The following KIF26B variants were observed in gnomAD, a reference collection of about 807,000 sequenced individuals.
KIF26B encodes kinesin family member 26B.
KIF26B carries 63 observed loss-of-function variants against 151.2 expected under a neutral mutation model. That is an observed-to-expected ratio of 0.42 (90% CI 0.34 to 0.51). The LOEUF (loss-of-function observed/expected upper bound fraction) is 0.51, where lower values mean the gene tolerates loss of function less well. KIF26B is among the 20% of genes least tolerant of loss of function. The pLI, the probability that KIF26B is intolerant of heterozygous loss-of-function variation, is 0.07. For missense variants in KIF26B, 2,813 were observed against 2,913.6 expected (o/e 0.97, Z 0.79); for synonymous variants, 1,357 against 1,262.1 (o/e 1.08, Z -1.59).
At chr1:245,260,215 G>T (rs1045578388) in intron 2 of KIF26B, among the ~76,000 whole-genome samples, 4 of 152,124 alleles carry the variant, frequency 2.6e-5, no homozygotes, top group Admixed American at 2.6e-4. Flanking sequence ...CATAGGCTTC[G>T]GTAGAAGCGT....
intron 4 of KIF26B, among the ~76,000 whole-genome samples, chr1:245,465,879 C>G (rs1469224536): frequency 2.0e-5 from 3 of 152,150 alleles, no homozygotes; most frequent in African/African-American, 7.2e-5. Flanking sequence ...TGTCCTCTCC[C>G]ATCTCCTTCT....
At chr1:245,696,684 C>T (rs912081927) in intron 12 of KIF26B, among the ~76,000 whole-genome samples, 2 of 152,288 alleles carry the variant, frequency 1.3e-5, no homozygotes, top group South Asian at 2.1e-4. Flanking sequence ...AGGTGTCTCA[C>T]GCTAAGGAGA....
rs1444057161 is a variant in KIF26B at position 245,516,943 on chromosome 1, GGCTGCT to G, written c.1167-23820_1167-23815del. 3.3e-5 allele frequency among the ~76,000 whole-genome samples: 5 copies of G among 152,230 alleles called. No individual in the cohort carries two copies. The highest frequency in any genetic ancestry group is 7.3e-5 in the Non-Finnish European group (5 of 68,042). On this transcript the variant is annotated intron_variant, in intron 4 of 14. Transcript: ENST00000407071. This position sits in a 1 kb window ranked among gnomAD's most constrained non-coding sequence, Gnocchi z 4.2. ...CCCTGGCTGCTCCCCACAGCTCCAC[GGCTGCT>G]GCTTTCACCCCCACCTGACCATGGT...
chr1:245,683,524 C>T (rs758157722), intron 10 of KIF26B, among the ~76,000 whole-genome samples: 47 of 152,174 alleles, frequency 3.1e-4, no homozygotes, highest in Non-Finnish European at 7.3e-5. Context: ...GCCTCATTAT[C>T]ACCACTCAGG....
chr1:245,348,015 T>C (rs1415552447), intron 2 of KIF26B, among the ~76,000 whole-genome samples: 1 of 152,220 alleles, frequency 6.6e-6, no homozygotes, highest in Non-Finnish European at 1.5e-5. Flanking sequence ...CCATAAGTGG[T>C]ATAAAATGGT....
At chr1:245,365,165 C>T (rs1672916074) in intron 2 of KIF26B, among the ~76,000 whole-genome samples, 1 of 152,230 alleles carries the variant, frequency 6.6e-6, no homozygotes, top group Non-Finnish European at 1.5e-5. Context: ...GCTACACGCT[C>T]TGAGTTGTGA....
At position 245,609,358 on chromosome 1, in the gene KIF26B, G is replaced by A. The variant is rs770595821; in HGVS notation, c.1744G>A (p.Glu582Lys). 6.8e-6 allele frequency: 11 copies of A among 1,610,450 alleles called. No individual in the cohort carries two copies. The highest frequency in any genetic ancestry group is 4.0e-5 in the African/African-American group (3 of 74,856). ...AISWLFKLIN[E>K]RKEKTGARFS... The stretch of plus-strand genomic sequence containing the variant: ...CTCTTGGCTCTTCAAGCTCATAAAC[G>A]AACGCAAGGAAAAGACCGGCGCCCG... The change falls in exon 8 of 15, where the codon GAA becomes AAA. Residue 582 changes from glutamate to lysine, a missense_variant. Glu to Lys is a moderately conservative substitution (Grantham distance 56, BLOSUM62 1). Around this residue, in one of 3 missense-constraint regions of KIF26B, gnomAD observed 77 missense variants for 136.9 expected, o/e 0.56. Coordinates refer to ENST00000407071, the MANE Select transcript of KIF26B (RefSeq NM_018012.4).
At chr1:245,394,684 C>A (rs796133637) in intron 3 of KIF26B, among the ~76,000 whole-genome samples, 1 of 124,420 alleles carries the variant, frequency 8.0e-6, no homozygotes, top group Non-Finnish European at 1.5e-5. Context: ...AAGTTTTTTT[C>A]TTTCTTTTTT....
In KIF26B at chr1:245,390,950, AAAC is replaced by A. The variant is rs1310076000; in HGVS notation, c.999+23584_999+23586del. Among the ~76,000 whole-genome samples the A allele has an allele frequency of 9.0e-3, 638 of 71,248 alleles. 89 individuals carry two copies. The highest frequency in any genetic ancestry group is 0.016 in the South Asian group (22 of 1,384). The allele number at this position is 71,248 out of a possible 152,430, so 46.7% of individuals were successfully genotyped here. A position where few individuals can be genotyped will look rare whatever the true frequency, so the allele number is the denominator to read the frequency against. Reference sequence around the variant, plus strand: ...AAAAAAAAAAAAAAAAAAAAAAAAAAAACCACCATAAAATTTTGAGCTTTCAAT... The same window carrying A: ...AAAAAAAAAAAAAAAAAAAAAAAAAACACCATAAAATTTTGAGCTTTCAAT... On this transcript the variant is annotated intron_variant, in intron 3 of 14. Transcript: ENST00000407071.
intron 2 of KIF26B, chr1:245,206,297 C>T (rs2103540796): frequency 6.6e-6 from 1 of 152,378 alleles, no homozygotes; most frequent in South Asian, 2.1e-4. Context: ...TCAGCTGTCA[C>T]TGCACCTGCA....
intron 5 of KIF26B, among the ~76,000 whole-genome samples, chr1:245,587,184 C>T (rs1236082571): frequency 2.0e-5 from 3 of 152,200 alleles, no homozygotes; most frequent in African/African-American, 4.8e-5. Flanking sequence ...GAGTCCTCTT[C>T]TGAACCTCAT....
At chr1:245,345,264 C>T (rs756967012) in intron 2 of KIF26B, among the ~76,000 whole-genome samples, 2 of 152,108 alleles carry the variant, frequency 1.3e-5, no homozygotes, top group African/African-American at 2.4e-5. Context: ...GAAGGTGGCG[C>T]CCCAGAGGCC....
chr1:245,277,149 T>C (rs1670954607), intron 2 of KIF26B, among the ~76,000 whole-genome samples: 1 of 152,198 alleles, frequency 6.6e-6, no homozygotes, highest in South Asian at 2.1e-4. Context: ...GGAACTCACT[T>C]TGCTGACACC....
At chr1:245,447,289 G>A (rs1282397523) in intron 4 of KIF26B, among the ~76,000 whole-genome samples, 1 of 152,158 alleles carries the variant, frequency 6.6e-6, no homozygotes, top group Non-Finnish European at 1.5e-5. Flanking sequence ...TAGTCTTAAT[G>A]TTCTAATTCA....
chr1:245,694,109 G>C (rs2044658761), intron 12 of KIF26B, among the ~76,000 whole-genome samples: 1 of 152,234 alleles, frequency 6.6e-6, no homozygotes, highest in Admixed American at 6.5e-5. Context: ...AGGAAGCCCA[G>C]GCTCGGCATC....
chr1:245,263,814 T>G (rs548891611), intron 2 of KIF26B, among the ~76,000 whole-genome samples: 31 of 152,316 alleles, frequency 2.0e-4, no homozygotes, highest in African/African-American at 7.5e-4. Flanking sequence ...GAAACACAGT[T>G]AGTTAACAGA....
chr1:245,255,211 TC>T (rs1447399551), intron 2 of KIF26B, among the ~76,000 whole-genome samples: 1 of 152,216 alleles, frequency 6.6e-6, no homozygotes, highest in African/African-American at 2.4e-5. Flanking sequence ...ATCCTGGACT[TC>T]CTAGTTTCCA....
chr1:245,186,325 G>T (rs1291529720), intron 2 of KIF26B, among the ~76,000 whole-genome samples: 1 of 152,158 alleles, frequency 6.6e-6, no homozygotes, highest in Non-Finnish European at 1.5e-5. Context: ...AGCCACTTTC[G>T]CAAAGAATGG....
intron 3 of KIF26B, among the ~76,000 whole-genome samples, chr1:245,403,556 G>A (rs72761163): frequency 0.058 from 8,833 of 152,134 alleles, 323 homozygotes; most frequent in Middle Eastern, 0.092. Context: ...GTGTGTGCGC[G>A]CGCATGTGTG....
Sources: gnomAD v4.1 joint callset for allele counts (sites outside exome capture counted in the v4.1 genomes callset) on GRCh38, gnomAD v4.1.1 for gene constraint, gnomAD v4.1.1 regional missense constraint, Gnocchi (gnomAD v3.1) non-coding constraint, MANE v1.5 for transcripts, NCBI Gene and HGNC (gene_info 2026-07-23, HGNC 2026-07-21) for gene names.